Variants in ARNT2 observed in about 807,000 individuals in gnomAD.
The protein encoded by ARNT2 is aryl hydrocarbon receptor nuclear translocator 2, also known as ARNT protein 2.
Under a neutral mutation model 91.7 loss-of-function variants are expected in ARNT2, and 36 were observed. That is an observed-to-expected ratio of 0.39 (90% CI 0.30 to 0.52). The LOEUF is 0.52. Among genes scored for constraint, ARNT2 ranks in the 20% least tolerant of loss-of-function variants. ARNT2 has a pLI of 0.72. For missense variants in ARNT2, 775 were observed against 939.3 expected, an observed-to-expected ratio of 0.83 and a Z score of 2.29; for synonymous variants, 365 against 347.1, an observed-to-expected ratio of 1.05 and a Z score of -0.57.
chr15:80,506,653 C>T (rs947188902), intron 5 of ARNT2, among the ~76,000 whole-genome samples: 9 of 152,128 alleles, frequency 5.9e-5, no homozygotes, highest in South Asian at 2.1e-4. Flanking sequence ...GATTGAGTTT[C>T]GGTCAAAGGA....
intron 3 of ARNT2, among the ~76,000 whole-genome samples, chr15:80,467,971 T>G (rs1229143576): frequency 1.3e-5 from 2 of 152,150 alleles, no homozygotes; most frequent in African/African-American, 2.4e-5. Flanking sequence ...CAACAATCTC[T>G]AACCAAATCC....
At position 80,452,968 on chromosome 15, in the gene ARNT2, C is replaced by T. The variant is rs1048034762; in HGVS notation, c.146+1974C>T. 6.6e-5 allele frequency among the ~76,000 whole-genome samples: 10 copies of T among 152,326 alleles called. No individual in the cohort carries two copies. The East Asian group carries it at 1.4e-3, about 21-fold the overall frequency. ...TATTTTATTTTTAGAGACAGGGTCTCGCTCTGTGGCCCAGGGTGGTCTTGA... is the reference window on the plus strand; with the variant it reads ...TATTTTATTTTTAGAGACAGGGTCTTGCTCTGTGGCCCAGGGTGGTCTTGA... On this transcript the variant is annotated intron_variant, in intron 2 of 18. Coordinates refer to ENST00000303329, the MANE Select transcript of ARNT2 (RefSeq NM_014862.4).
chr15:80,431,812 T>C (rs537150798), intron 1 of ARNT2, among the ~76,000 whole-genome samples: 10 of 152,202 alleles, frequency 6.6e-5, no homozygotes, highest in Non-Finnish European at 1.3e-4. Flanking sequence ...GTTCCTCCAG[T>C]GCTTCCTCAA....
intron 8 of ARNT2, among the ~76,000 whole-genome samples, chr15:80,518,856 G>T (rs752061051): frequency 7.9e-5 from 12 of 152,050 alleles, no homozygotes; most frequent in African/African-American, 1.2e-4. Context: ...TTAGAGAGTA[G>T]GTCTTTGTTA....
chr15:80,580,596 G>A lies in ARNT2; in HGVS notation c.1752+47G>A, dbSNP rs191545836. ...TCTCCCCTGGGTGACCAGAGAGGCA[G>A]AGCACTCTGGGAAGTGTTTTCTTTG... On this transcript the variant is annotated intron_variant, in intron 16 of 18. Coordinates refer to ENST00000303329, the MANE Select transcript of ARNT2 (RefSeq NM_014862.4). The A allele has an allele frequency of 3.1e-5, 50 of 1,611,424 alleles. No homozygotes were observed. In the East Asian group the frequency reaches 1.1e-3, roughly 35 times the overall value.
chr15:80,491,541 A>G (rs1027481225), intron 5 of ARNT2, among the ~76,000 whole-genome samples: 1 of 152,090 alleles, frequency 6.6e-6, no homozygotes, highest in Non-Finnish European at 1.5e-5. Context: ...GATGAGGGGG[A>G]AACGTCAGGC....
chr15:80,567,594 T>C (rs10851935), intron 12 of ARNT2, among the ~76,000 whole-genome samples: 47,355 of 152,148 alleles, frequency 0.31, 8,527 homozygotes, highest in East Asian at 0.75. Context: ...AAGATCCCCC[T>C]GTGAAAACCA....
chr15:80,485,765 T>C (rs985525954), intron 5 of ARNT2, among the ~76,000 whole-genome samples: 3 of 152,134 alleles, frequency 2.0e-5, no homozygotes, highest in Admixed American at 1.3e-4. Flanking sequence ...CCATGTTAGA[T>C]GTGAGATGCT....
chr15:80,450,923 C>T lies in ARNT2; in HGVS notation c.75C>T (p.Ala25=). Residue 25 remains alanine, a synonymous_variant, in exon 2 of 19, where the codon GCC becomes GCT. Transcript: ENST00000303329. ...DIPGSVTLPV[A]PMAATGQVRM... ...CTGGATCTGTGACGTTGCCCGTTGC[C>T]CCCATGGCGGCCACCGGACAGGTGA... 6.2e-7 allele frequency: 1 copy of T among 1,614,170 alleles called. No individual in the cohort carries two copies. Among genetic ancestry groups the T allele is most frequent in the Non-Finnish European group, 8.5e-7 (1 of 1,180,052 alleles).
At chr15:80,490,233 A>G (rs953960502) in intron 5 of ARNT2, among the ~76,000 whole-genome samples, 1 of 152,150 alleles carries the variant, frequency 6.6e-6, no homozygotes, top group Admixed American at 6.5e-5. Context: ...AGTAAGTTGC[A>G]CAGAGTCAGT....
In ARNT2 at chr15:80,563,009, C is replaced by T; in HGVS notation, c.1165-79C>T. The T allele has an allele frequency of 2.0e-6, 3 of 1,536,168 alleles. No individual in the cohort carries two copies. In the South Asian group the frequency reaches 3.4e-5, roughly 17 times the overall value. Reference sequence around the variant, plus strand: ...GTCCTGCTGGCCCCTGCCGCAACCCCACTGCCTGCAGCTTCTCCCTCCTCC... The same window carrying T: ...GTCCTGCTGGCCCCTGCCGCAACCCTACTGCCTGCAGCTTCTCCCTCCTCC... On this transcript the variant is annotated intron_variant, in intron 11 of 18. Coordinates refer to ENST00000303329, the MANE Select transcript of ARNT2 (RefSeq NM_014862.4).
chr15:80,551,810 C>T (rs183250289), intron 9 of ARNT2, among the ~76,000 whole-genome samples: 11 of 152,262 alleles, frequency 7.2e-5, no homozygotes, highest in African/African-American at 2.4e-4. Context: ...TAAAATGTCT[C>T]CCTGATCTTA....
At chr15:80,462,643 C>T (rs8028295) in intron 3 of ARNT2, among the ~76,000 whole-genome samples, 66,239 of 151,978 alleles carry the variant, frequency 0.44, 14,687 homozygotes, top group African/African-American at 0.47. Context: ...CCTAAGAGCT[C>T]GGACTCAAAA....
intron 5 of ARNT2, among the ~76,000 whole-genome samples, chr15:80,484,419 G>A (rs1896935246): frequency 6.6e-6 from 1 of 152,160 alleles, no homozygotes; most frequent in Non-Finnish European, 1.5e-5. Context: ...AGAATTGCTG[G>A]CTGGTTGTTT....
At chr15:80,484,814 G>C (rs910057863) in intron 5 of ARNT2, among the ~76,000 whole-genome samples, 1 of 152,210 alleles carries the variant, frequency 6.6e-6, no homozygotes, top group Non-Finnish European at 1.5e-5. Context: ...TGGTGGGGAT[G>C]GGGGGCGGTG....
intron 5 of ARNT2, among the ~76,000 whole-genome samples, chr15:80,481,556 T>G (rs926887558): frequency 1.1e-4 from 16 of 151,918 alleles, no homozygotes; most frequent in South Asian, 4.2e-4. Flanking sequence ...CAAAAAAATT[T>G]AAAAAAATTA....
chr15:80,572,452 G>A (rs73494759), intron 12 of ARNT2, among the ~76,000 whole-genome samples: 6,882 of 151,542 alleles, frequency 0.045, 513 homozygotes, highest in African/African-American at 0.16. Flanking sequence ...CTCCCCACCA[G>A]CCACTTCCTC....
intron 5 of ARNT2, among the ~76,000 whole-genome samples, chr15:80,484,769 A>G (rs1896941918): frequency 6.6e-6 from 1 of 152,156 alleles, no homozygotes; most frequent in Non-Finnish European, 1.5e-5. Flanking sequence ...CCCTGCACAC[A>G]GTGAGCTCCA....
chr15:80,551,615 A>G (rs1204678554), intron 9 of ARNT2, among the ~76,000 whole-genome samples: 1 of 152,102 alleles, frequency 6.6e-6, no homozygotes, highest in Non-Finnish European at 1.5e-5. Context: ...CATCATTACA[A>G]CTTTATCTCC....
Sources: gnomAD v4.1 joint callset for allele counts (sites outside exome capture counted in the v4.1 genomes callset) on GRCh38, gnomAD v4.1.1 for gene constraint, MANE v1.5 for transcripts, NCBI Gene and HGNC (gene_info 2026-07-23, HGNC 2026-07-21) for gene names.